The following DNAH12 variants were observed in gnomAD, a reference collection of about 807,000 sequenced individuals.
DNAH12 encodes dynein axonemal heavy chain 12.
A neutral mutation model predicts 371.5 loss-of-function variants in DNAH12; 285 were observed. The ratio of observed to expected loss-of-function variants is 0.77; its 90% CI spans 0.70 to 0.85. The LOEUF is 0.85. Ranked by LOEUF, DNAH12 falls within the 40% of genes least tolerant of loss-of-function variation. DNAH12 has a pLI of 0.00. For missense variants in DNAH12, 3,611 were observed against 3,689.4 expected, an observed-to-expected ratio of 0.98 and a Z score of 0.55; for synonymous variants, 1,200 against 1,213.0, an observed-to-expected ratio of 0.99 and a Z score of 0.22.
chr3:57,423,249 C>T (rs2064649529), intron 35 of DNAH12, among the ~76,000 whole-genome samples: 1 of 152,038 alleles, frequency 6.6e-6, no homozygotes, highest in Admixed American at 6.6e-5. Flanking sequence ...GGTTTACCAA[C>T]AGAATAAAAT....
At chr3:57,381,165 A>T (rs36191368) in intron 50 of DNAH12, among the ~76,000 whole-genome samples, 118,126 of 152,002 alleles carry the variant, frequency 0.78, 46,492 homozygotes, top group African/African-American at 0.87. Flanking sequence ...CACATGCTAC[A>T]TATATTGGCA....
chr3:57,409,190 C>T (rs1455693925), intron 39 of DNAH12, among the ~76,000 whole-genome samples: 7 of 152,126 alleles, frequency 4.6e-5, no homozygotes, highest in Non-Finnish European at 7.4e-5. Context: ...TTAGCTGGAA[C>T]CACTCAGAGT....
At chr3:57,380,131 T>C (rs2153341493) in intron 51 of DNAH12, 147 bp downstream of exon 51, 2 of 152,264 alleles carry the variant, frequency 1.3e-5, no homozygotes, top group East Asian at 3.9e-4. Flanking sequence ...ACTCATAGTA[T>C]CATTAATAAA....
At chr3:57,419,567 ATCTGAAAGGC>A (rs1157988806) in intron 36 of DNAH12, 49 bp from the exon 37 acceptor site, 2 of 1,310,850 alleles carry the variant, frequency 1.5e-6, no homozygotes, top group South Asian at 4.2e-5. Context: ...TACTTGCTGT[ATCTGAAAGGC>A]TCTTTTCAAC....
rs149154269 is a variant in DNAH12 at position 57,510,964 on chromosome 3, T to C, written c.295A>G (p.Met99Val). 2.3e-5 allele frequency: 37 copies of C among 1,598,684 alleles called. No homozygotes were observed. The highest frequency in any genetic ancestry group is 3.1e-5 in the Non-Finnish European group (36 of 1,176,788). ...GGACTACTTTCTACACATTGCTTCA[T>C]ATAAATATAGTTGAACTGAGAACAT... ...MKKKGFNYIY[M>V]KQCVESSPLV... is the part of the protein sequence containing the mutation. Residue 99 changes from methionine to valine, a missense_variant, in exon 5 of 74, where the codon ATG (methionine) becomes GTG (valine). Physicochemically the swap from Met to Val is conservative, Grantham distance 21. Transcript: ENST00000495027.
intron 11 of DNAH12, among the ~76,000 whole-genome samples, chr3:57,491,318 C>A (rs2067118761): frequency 6.6e-6 from 1 of 151,744 alleles, no homozygotes; most frequent in Non-Finnish European, 1.5e-5. Flanking sequence ...TAATAGTTAC[C>A]AATAAAGACA....
chr3:57,424,847 G>A (rs2064712436), intron 35 of DNAH12, among the ~76,000 whole-genome samples, 175 bp downstream of exon 35: 1 of 150,978 alleles, frequency 6.6e-6, no homozygotes, highest in Non-Finnish European at 1.5e-5. Flanking sequence ...TTTCTTTAAA[G>A]TGTTTTTTAT....
chr3:57,521,038 T>G (rs1186505990), intron 4 of DNAH12, among the ~76,000 whole-genome samples: 1 of 112,062 alleles, frequency 8.9e-6, no homozygotes, highest in Non-Finnish European at 1.7e-5. Context: ...CACTCCAGCC[T>G]GGGCGACAAA....
At chr3:57,461,977 G>GAC (rs2066067098) in intron 18 of DNAH12, among the ~76,000 whole-genome samples, 1 of 152,178 alleles carries the variant, frequency 6.6e-6, no homozygotes, top group Non-Finnish European at 1.5e-5. Context: ...TTTCTCTGAA[G>GAC]TGGCCTTTCT....
At chr3:57,331,521 G>C (rs1330803809) in intron 62 of DNAH12, among the ~76,000 whole-genome samples, 1 of 152,098 alleles carries the variant, frequency 6.6e-6, no homozygotes, top group East Asian at 1.9e-4. Flanking sequence ...AGGTCTTTGG[G>C]AATCAGGGTA....
At chr3:57,352,638 T>G (rs1553660989) in intron 59 of DNAH12, among the ~76,000 whole-genome samples, 1 of 151,850 alleles carries the variant, frequency 6.6e-6, no homozygotes, top group African/African-American at 2.4e-5. Flanking sequence ...CCAAAGTGAC[T>G]GAAGACAATC....
At chr3:57,371,716 CACATCAA>C (rs1337622098) in intron 55 of DNAH12, among the ~76,000 whole-genome samples, 2 of 150,782 alleles carry the variant, frequency 1.3e-5, no homozygotes, top group Non-Finnish European at 3.0e-5. Flanking sequence ...CACACCTGGA[CACATCAA>C]ACTGCTGAAA....
chr3:57,337,491 T>G (rs978286848), intron 60 of DNAH12, among the ~76,000 whole-genome samples: 4 of 152,112 alleles, frequency 2.6e-5, no homozygotes, highest in African/African-American at 9.7e-5. Context: ...GAAACCCTGT[T>G]TCTAATAAAA....
At chr3:57,503,430 C>T (rs1206044405) in intron 9 of DNAH12, among the ~76,000 whole-genome samples, 5 of 150,066 alleles carry the variant, frequency 3.3e-5, no homozygotes, top group Non-Finnish European at 7.4e-5. Flanking sequence ...CACTGTGTCA[C>T]TAGGCTGGAG....
chr3:57,545,657 C>A (rs2069520066), upstream of DNAH12, among the ~76,000 whole-genome samples: 1 of 152,014 alleles, frequency 6.6e-6, no homozygotes, highest in South Asian at 2.1e-4. Flanking sequence ...GAACCCCCAG[C>A]CCATGGGTCA....
At chr3:57,488,767 A>G (rs1051555028) in intron 12 of DNAH12, among the ~76,000 whole-genome samples, 18 of 152,192 alleles carry the variant, frequency 1.2e-4, no homozygotes, top group African/African-American at 4.3e-4. Context: ...GGACACACAG[A>G]TAACAAATGA....
intron 57 of DNAH12, among the ~76,000 whole-genome samples, chr3:57,365,464 G>A (rs1361370959): frequency 3.9e-5 from 6 of 152,238 alleles, no homozygotes; most frequent in Non-Finnish European, 5.9e-5. Context: ...GTCAGGGTGG[G>A]TAGGAGGAGG....
intron 11 of DNAH12, among the ~76,000 whole-genome samples, chr3:57,497,061 T>C (rs1469131531): frequency 6.6e-6 from 1 of 152,110 alleles, no homozygotes; most frequent in African/African-American, 2.4e-5. Flanking sequence ...AGCTGTACAA[T>C]GCAAACTATA....
chr3:57,523,449 G>A, intron 4 of DNAH12, 134 bp downstream of exon 4: 2 of 705,778 alleles, frequency 2.8e-6, no homozygotes, highest in Non-Finnish European at 4.5e-6. Flanking sequence ...CCCTTGGGAA[G>A]AGAAAATAAA....
Sources: gnomAD v4.1 joint callset for allele counts (sites outside exome capture counted in the v4.1 genomes callset) on GRCh38, gnomAD v4.1.1 for gene constraint, MANE v1.5 for transcripts, NCBI Gene and HGNC (gene_info 2026-07-23, HGNC 2026-07-21) for gene names.